Variants in SLC26A7 observed in about 807,000 individuals in gnomAD.
SLC26A7 encodes anion exchange transporter.
A neutral mutation model predicts 82.5 loss-of-function variants in SLC26A7; 59 were observed. That is an observed-to-expected ratio of 0.72 (90% CI 0.58 to 0.89). The LOEUF is 0.89. SLC26A7 is among the 40% of genes least tolerant of loss of function. The pLI, the probability that SLC26A7 is intolerant of heterozygous loss-of-function variation, is 0.00. For synonymous variants in SLC26A7, 271 were observed against 274.3 expected (o/e 0.99, Z 0.12); for missense variants, 820 against 793.0 (o/e 1.03, Z -0.41).
chr8:91,299,790 T>G (rs1586380415), intron 4 of SLC26A7, among the ~76,000 whole-genome samples: 1 of 152,174 alleles, frequency 6.6e-6, no homozygotes, highest in African/African-American at 2.4e-5. Context: ...CCTTATGAAT[T>G]TCAGCACCAA....
chr8:91,317,017 A>AAAAAAAAAAAAC (rs1812653549), intron 4 of SLC26A7, among the ~76,000 whole-genome samples: 1 of 148,932 alleles, frequency 6.7e-6, no homozygotes, highest in African/African-American at 2.5e-5. Flanking sequence ...AAAAAAAAAA[A>AAAAAAAAAAAAC]AAAAGCCAGG....
Position 91,391,682 on chromosome 8 carries a change from A to G in SLC26A7, c.1777-2115A>G, listed in dbSNP as rs76933836. ...TAATTGTGTGTTTAAGGCTCTTCTG[A>G]GGTGCTCATTGAAAATGCAGTCTTC... is the stretch of plus-strand genomic sequence containing the variant. On this transcript the variant is annotated intron_variant, in intron 16 of 18. Coordinates refer to ENST00000276609, the MANE Select transcript of SLC26A7 (RefSeq NM_052832.4). Among the ~76,000 whole-genome samples, 745 of 152,220 alleles carry G rather than the reference A, an allele frequency of 4.9e-3. 10 individuals are homozygous for G. The highest frequency in any genetic ancestry group is 0.016 in the African/African-American group (684 of 41,524).
intron 2 of SLC26A7, among the ~76,000 whole-genome samples, chr8:91,226,389 A>T (rs1273388375): frequency 2.0e-5 from 3 of 152,200 alleles, no homozygotes; most frequent in Admixed American, 6.5e-5. Flanking sequence ...TATTAAATGA[A>T]AAAATGGAGT....
chr8:91,257,880 G>A (rs1810848288), intron 2 of SLC26A7, among the ~76,000 whole-genome samples: 1 of 152,080 alleles, frequency 6.6e-6, no homozygotes, highest in African/African-American at 2.4e-5. Flanking sequence ...AAAGAGGTTT[G>A]ATTGACTCAA....
At chr8:91,268,983 C>T (rs956095062) in intron 2 of SLC26A7, among the ~76,000 whole-genome samples, 6 of 151,688 alleles carry the variant, frequency 4.0e-5, no homozygotes, top group Non-Finnish European at 7.4e-5. Flanking sequence ...TACTTTTATA[C>T]CAATTCCTCC....
chr8:91,322,976 A>G (rs1303646723), intron 5 of SLC26A7, among the ~76,000 whole-genome samples: 26 of 152,236 alleles, frequency 1.7e-4, no homozygotes, highest in Non-Finnish European at 1.5e-5. Context: ...GTCAGAAGGA[A>G]GTCAGAACCA....
chr8:91,362,143 A>G (rs941483528), intron 11 of SLC26A7, among the ~76,000 whole-genome samples: 1 of 151,832 alleles, frequency 6.6e-6, no homozygotes, highest in Non-Finnish European at 1.5e-5. Context: ...AAAAGAAGAA[A>G]CTTTTTCCCA....
At chr8:91,382,869 C>A (rs960432041) in intron 15 of SLC26A7, among the ~76,000 whole-genome samples, 7 of 152,298 alleles carry the variant, frequency 4.6e-5, no homozygotes, top group Admixed American at 2.6e-4. Flanking sequence ...CTCTACTCTT[C>A]ATTTTAAAAT....
intron 6 of SLC26A7, 130 bp downstream of exon 6, chr8:91,334,577 A>T (rs951132211): frequency 1.4e-6 from 1 of 707,956 alleles, no homozygotes; most frequent in Admixed American, 3.5e-5. Context: ...AGCAGGGCTA[A>T]TTTGCATGGC....
chr8:91,238,962 G>C (rs762149713), intron 2 of SLC26A7, among the ~76,000 whole-genome samples: 1 of 152,146 alleles, frequency 6.6e-6, no homozygotes, highest in Non-Finnish European at 1.5e-5. Context: ...ATTGATAGGC[G>C]TAAGTACTAT....
intron 2 of SLC26A7, among the ~76,000 whole-genome samples, chr8:91,278,740 C>CT (rs1248187681): frequency 1.3e-5 from 2 of 151,954 alleles, no homozygotes; most frequent in Non-Finnish European, 2.9e-5. Flanking sequence ...TTACCTCACA[C>CT]TTTTTTTGTT....
chr8:91,275,376 G>A (rs1477050290), intron 2 of SLC26A7, among the ~76,000 whole-genome samples: 1 of 152,118 alleles, frequency 6.6e-6, no homozygotes, highest in African/African-American at 2.4e-5. Flanking sequence ...ACAGTTCACT[G>A]CAGCCTTGAC....
intron 2 of SLC26A7, among the ~76,000 whole-genome samples, chr8:91,232,691 G>A (rs991543979): frequency 2.6e-5 from 4 of 152,168 alleles, no homozygotes; most frequent in Admixed American, 2.0e-4. Context: ...TCATAAATTG[G>A]CCTATGTCAT....
chr8:91,286,625 A>C (rs1378519775), intron 2 of SLC26A7, among the ~76,000 whole-genome samples: 4 of 152,286 alleles, frequency 2.6e-5, no homozygotes, highest in Middle Eastern at 6.8e-3. Context: ...TTTTTCCCCG[A>C]AATAGTAGCA....
intron 15 of SLC26A7, among the ~76,000 whole-genome samples, chr8:91,370,244 C>T (rs950096922): frequency 6.7e-6 from 1 of 149,786 alleles, no homozygotes; most frequent in African/African-American, 2.5e-5. Flanking sequence ...TTTACTTCTT[C>T]CTCTTCCCTG....
intron 2 of SLC26A7, among the ~76,000 whole-genome samples, chr8:91,234,375 C>G (rs1286975660): frequency 6.6e-6 from 1 of 152,142 alleles, no homozygotes; most frequent in East Asian, 1.9e-4. Context: ...GGAAACTCTT[C>G]TAGGTCTCTT....
chr8:91,264,072 T>C (rs1236424683), intron 2 of SLC26A7, among the ~76,000 whole-genome samples: 1 of 152,088 alleles, frequency 6.6e-6, no homozygotes. Context: ...GTTGCTCCGC[T>C]TTCCTAAATG....
chr8:91,316,143 C>T (rs561943870), intron 4 of SLC26A7, among the ~76,000 whole-genome samples: 4 of 152,178 alleles, frequency 2.6e-5, no homozygotes, highest in South Asian at 2.1e-4. Flanking sequence ...ATATATTTTG[C>T]GATTTATGCT....
At chr8:91,220,228 A>C (rs1238429770) in intron 2 of SLC26A7, among the ~76,000 whole-genome samples, 1 of 152,174 alleles carries the variant, frequency 6.6e-6, no homozygotes, top group East Asian at 1.9e-4. Flanking sequence ...AAAATAAAAA[A>C]CCAAGTACAA....
Sources: allele counts gnomAD v4.1 joint callset (sites outside exome capture counted in the v4.1 genomes callset), GRCh38; gene constraint gnomAD v4.1.1; transcripts MANE v1.5; gene names NCBI Gene and HGNC (gene_info 2026-07-23, HGNC 2026-07-21).